SAMSN1: variants seen among roughly 807,000 people sequenced by gnomAD.
SAMSN1 encodes SAM domain, SH3 domain and nuclear localization signals 1.
A neutral mutation model predicts 42.0 loss-of-function variants in SAMSN1; 31 were observed. The observed-to-expected ratio is 0.74, with a 90% CI of 0.55 to 1.00. SAMSN1 has a LOEUF of 1.00. Ranked by LOEUF, SAMSN1 falls within the 50% of genes least tolerant of loss-of-function variation. SAMSN1 has a pLI of 0.00. For missense variants in SAMSN1, 464 were observed against 439.4 expected, an observed-to-expected ratio of 1.06 and a Z score of -0.50; for synonymous variants, 178 against 151.9, an observed-to-expected ratio of 1.17 and a Z score of -1.26.
At chr21:14,633,824 G>A (rs1983392454) in intron 2 of SAMSN1, among the ~76,000 whole-genome samples, 1 of 152,194 alleles carries the variant, frequency 6.6e-6, no homozygotes, top group Admixed American at 6.5e-5. Context: ...CTAGCCATGA[G>A]GGGATTAACT....
At chr21:14,490,033 T>TA (rs538161662) in intron 7 of SAMSN1, among the ~76,000 whole-genome samples, 2 of 152,108 alleles carry the variant, frequency 1.3e-5, no homozygotes, top group Non-Finnish European at 2.9e-5. Flanking sequence ...CTTTACATAT[T>TA]AAAAAATTAA....
intron 2 of SAMSN1, among the ~76,000 whole-genome samples, chr21:14,617,576 G>T (rs1046744444): frequency 3.9e-5 from 6 of 152,132 alleles, no homozygotes; most frequent in Non-Finnish European, 8.8e-5. Context: ...TGTCTCAATA[G>T]TCAAAATCCA....
At chr21:14,518,099 T>A (rs1206645441) in intron 2 of SAMSN1, among the ~76,000 whole-genome samples, 1 of 152,250 alleles carries the variant, frequency 6.6e-6, no homozygotes, top group African/African-American at 2.4e-5. Context: ...AAGTTTGTAT[T>A]TGCTTTTGCC....
intron 5 of SAMSN1, among the ~76,000 whole-genome samples, chr21:14,508,598 A>C (rs554576212): frequency 9.2e-5 from 14 of 152,316 alleles, no homozygotes; most frequent in Non-Finnish European, 1.9e-4. Context: ...ACACTTCTAC[A>C]CTGCTGGTGG....
At chr21:14,546,832 C>T (rs1157803509), upstream of SAMSN1, among the ~76,000 whole-genome samples, 1 of 152,046 alleles carries the variant, frequency 6.6e-6, no homozygotes, top group African/African-American at 2.4e-5. Flanking sequence ...GCCTCAGCCT[C>T]CCAAGTAGCT....
chr21:14,587,190 A>G (rs1392960788), upstream of SAMSN1, among the ~76,000 whole-genome samples: 1 of 152,012 alleles, frequency 6.6e-6, no homozygotes, highest in Admixed American at 6.6e-5. Flanking sequence ...ACCATCTTTT[A>G]TTTACCACTT....
chr21:14,581,976 A>T (rs1981746475), intron 2 of SAMSN1, among the ~76,000 whole-genome samples: 1 of 152,222 alleles, frequency 6.6e-6, no homozygotes, highest in African/African-American at 2.4e-5. Context: ...TATGGGTAAA[A>T]GTCACAAGAG....
chr21:14,486,063 A>T lies in SAMSN1; in HGVS notation c.971T>A (p.Ile324Asn), dbSNP rs1986421939. 5.0e-6 allele frequency: 8 copies of T among 1,613,720 alleles called. No individual in the cohort carries two copies. The highest frequency in any genetic ancestry group is 5.9e-6 in the Non-Finnish European group (7 of 1,179,760). Residue 324 changes from isoleucine (I) to asparagine (N), a missense_variant, in exon 8 of 8, where the codon ATC becomes AAC. Transcript: ENST00000400566. ...EPEPLSLSSD[I>N]SLNKSQLDDC... is the part of the protein sequence containing the mutation. ...ATCTAACTGTGACTTATTTAAGGAG[A>T]TGTCTGAGCTCAAGGATAGGGGCTC...
chr21:14,620,333 G>A lies in SAMSN1; in HGVS notation c.157-4317C>T, dbSNP rs1360721576. Among the ~76,000 whole-genome samples the A allele has an allele frequency of 7.2e-5, 11 of 152,132 alleles. 1 individual carries two copies. In the South Asian group the frequency reaches 1.5e-3, roughly 20 times the overall value. ...CTCGTGATACTGAGTGAGTTCTTAC[G>A]AGATGTGATGGTTTCATAAGTGGTT... On this transcript the variant is annotated intron_variant, in intron 2 of 15. Transcript: ENST00000647101.
At chr21:14,657,609 G>C (rs989787787) in intron 1 of SAMSN1, among the ~76,000 whole-genome samples, 2 of 151,784 alleles carry the variant, frequency 1.3e-5, no homozygotes, top group Non-Finnish European at 1.5e-5. Flanking sequence ...ATTTCCATGG[G>C]AAGTATATTC....
chr21:14,493,112 GGGCA>G (rs762533564), intron 7 of SAMSN1, among the ~76,000 whole-genome samples: 6 of 152,198 alleles, frequency 3.9e-5, no homozygotes, highest in African/African-American at 7.2e-5. Flanking sequence ...GCATCGACTT[GGGCA>G]GGCAGGCAGG....
chr21:14,509,902 G>T (rs986317577), intron 5 of SAMSN1, among the ~76,000 whole-genome samples: 3 of 152,180 alleles, frequency 2.0e-5, no homozygotes, highest in Non-Finnish European at 2.9e-5. Flanking sequence ...CACTTTGGGA[G>T]GCCGAGGCGG....
At chr21:14,488,013 A>G (rs1281812071) in intron 7 of SAMSN1, among the ~76,000 whole-genome samples, 1 of 151,944 alleles carries the variant, frequency 6.6e-6, no homozygotes, top group African/African-American at 2.4e-5. Flanking sequence ...TTTTTAATGA[A>G]AAGGCAGCAC....
intron 2 of SAMSN1, among the ~76,000 whole-genome samples, chr21:14,640,467 G>T (rs1050845359): frequency 6.6e-6 from 1 of 151,966 alleles, no homozygotes; most frequent in Non-Finnish European, 1.5e-5. Flanking sequence ...AGTCCAAATG[G>T]AATAATATTT....
At chr21:14,543,413 T>A (rs1980172227) in intron 1 of SAMSN1, among the ~76,000 whole-genome samples, 2 of 152,186 alleles carry the variant, frequency 1.3e-5, no homozygotes, top group African/African-American at 4.8e-5. Context: ...TTACTCTTTT[T>A]AAATTCATGA....
chr21:14,573,047 G>T (rs1330344810), intron 2 of SAMSN1, among the ~76,000 whole-genome samples: 1 of 152,120 alleles, frequency 6.6e-6, no homozygotes, highest in East Asian at 1.9e-4. Context: ...AAAGTCAAGT[G>T]CTAAGTCAAT....
rs370838393 is a variant in SAMSN1 at position 14,486,348 on chromosome 21, A to ATTCC, written c.920-235_920-234insGGAA. On this transcript the variant is annotated intron_variant, in intron 7 of 7. Coordinates refer to ENST00000400566, the MANE Select transcript of SAMSN1 (RefSeq NM_022136.5). ...AATTTGCCCTTCATTGTTCATTTGC[A>ATTCC]GTTTCATGGAATTCATGTGAACTTC... is the stretch of plus-strand genomic sequence containing the variant. 2.0e-4 allele frequency among the ~76,000 whole-genome samples: 31 copies of ATTCC among 152,298 alleles called. No individual in the cohort carries two copies. The East Asian group carries it at 5.8e-3, about 28-fold the overall frequency.
In SAMSN1 at chr21:14,553,045, T is replaced by TA. The variant is rs532186451; in HGVS notation, c.261+29090_261+29091insT. ...ACTCTTTTTCTGATCCTTCCAATAT[T>TA]TAAAAAAAAAATGTTTCTAGTTGGT... On this transcript the variant is annotated intron_variant, in intron 2 of 8. Transcript: ENST00000285670. 2.6e-3 allele frequency among the ~76,000 whole-genome samples: 390 copies of TA among 152,004 alleles called. 1 individual carries two copies. The highest frequency in any genetic ancestry group is 9.0e-3 in the African/African-American group (374 of 41,502).
chr21:14,520,952 T>A (rs1431223879), intron 2 of SAMSN1, among the ~76,000 whole-genome samples, 198 bp downstream of exon 2: 1 of 152,182 alleles, frequency 6.6e-6, no homozygotes, highest in Non-Finnish European at 1.5e-5. Flanking sequence ...TAAATTTTCC[T>A]GGTCGTGTGA....
Sources: gnomAD v4.1 joint callset for allele counts (sites outside exome capture counted in the v4.1 genomes callset) on GRCh38, gnomAD v4.1.1 for gene constraint, MANE v1.5 for transcripts, NCBI Gene and HGNC (gene_info 2026-07-23, HGNC 2026-07-21) for gene names.